The following RPAP2 variants were observed in gnomAD, a reference collection of about 807,000 sequenced individuals.
RPAP2 encodes putative RNA polymerase II subunit B1 CTD phosphatase RPAP2.
A neutral mutation model predicts 73.1 loss-of-function variants in RPAP2; 52 were observed. That is an observed-to-expected ratio of 0.71 (90% CI 0.57 to 0.90). The LOEUF (loss-of-function observed/expected upper bound fraction) is 0.90. Among genes scored for constraint, RPAP2 ranks in the 40% least tolerant of loss-of-function variants. The pLI is 0.00. For missense variants in RPAP2, 598 were observed against 701.8 expected, an observed-to-expected ratio of 0.85 and a Z score of 1.67; for synonymous variants, 225 against 242.1, an observed-to-expected ratio of 0.93 and a Z score of 0.65.
At chr1:92,362,544 T>G (rs889032100) in intron 11 of RPAP2, among the ~76,000 whole-genome samples, 1 of 152,158 alleles carries the variant, frequency 6.6e-6, no homozygotes, top group Non-Finnish European at 1.5e-5. Context: ...TCAAGTATAA[T>G]CTGCCTTAAA....
At chr1:92,334,038 A>AGAACTT (rs1479254090) in intron 9 of RPAP2, among the ~76,000 whole-genome samples, 1 of 152,228 alleles carries the variant, frequency 6.6e-6, no homozygotes, top group Non-Finnish European at 1.5e-5. Context: ...TCTTTCAAAA[A>AGAACTT]GAACTTGAAG....
At chr1:92,302,590 ATTTTTTTTTTTTT>A (rs36067595) in intron 3 of RPAP2, among the ~76,000 whole-genome samples, 3 of 74,316 alleles carry the variant, frequency 4.0e-5, no homozygotes, top group African/African-American at 5.7e-5. Context: ...TCCGCATTAA[ATTTTTTTTTTTTT>A]TTTTTTTTTT....
At chr1:92,308,061 C>T (rs901192885) in intron 6 of RPAP2, among the ~76,000 whole-genome samples, 1 of 151,648 alleles carries the variant, frequency 6.6e-6, no homozygotes, top group Non-Finnish European at 1.5e-5. Context: ...TGCAGGTTAG[C>T]TAAAAAGCTC....
At chr1:92,322,324 C>T (rs1652325369) in intron 7 of RPAP2, among the ~76,000 whole-genome samples, 2 of 151,874 alleles carry the variant, frequency 1.3e-5, no homozygotes, top group South Asian at 4.2e-4. Flanking sequence ...ACAGGTGGAT[C>T]ACTTGAGGTC....
rs140384686 is a variant in RPAP2 at position 92,353,106 on chromosome 1, G to A, written c.1688+7192G>A. On this transcript the variant is annotated intron_variant, in intron 11 of 12. Coordinates refer to ENST00000610020, the MANE Select transcript of RPAP2 (RefSeq NM_024813.3). ...TATTCATCAGTTGACAAACATTTGG[G>A]TTATTTCCATTTTTTGCTATTTAAT... Among the ~76,000 whole-genome samples, 385 of 152,202 alleles carry A rather than the reference G, an allele frequency of 2.5e-3. 3 individuals carry two copies. The highest frequency in any genetic ancestry group is 9.3e-3 in the South Asian group (45 of 4,822).
intron 10 of RPAP2, among the ~76,000 whole-genome samples, chr1:92,340,715 A>G (rs903421614): frequency 2.0e-5 from 3 of 152,174 alleles, no homozygotes; most frequent in African/African-American, 7.2e-5. Context: ...AACATAAAGC[A>G]GCTTTTTCGG....
intron 11 of RPAP2, chr1:92,363,849 A>C: frequency 5.0e-6 from 1 of 199,954 alleles, no homozygotes; most frequent in Non-Finnish European, 1.1e-5. Flanking sequence ...GATCTAATAC[A>C]TATCCTTACA....
At chr1:92,300,840 G>A (rs545681779) in intron 2 of RPAP2, among the ~76,000 whole-genome samples, 1 of 152,342 alleles carries the variant, frequency 6.6e-6, no homozygotes, top group South Asian at 2.1e-4. Flanking sequence ...GTTAGGCTCT[G>A]AAGATATGGT....
At position 92,387,224 on chromosome 1, in the gene RPAP2, A is replaced by G. The variant is rs1655900480; in HGVS notation, c.*213A>G. On this transcript the variant is annotated 3_prime_UTR_variant, in exon 13 of 13. Coordinates refer to ENST00000610020, the MANE Select transcript of RPAP2 (RefSeq NM_024813.3). Reference sequence around the variant, plus strand: ...GAGGAGAATCATTACTCCAACAAGAATAACCAAGTCTTTGTATCCCTAGTA... The same window carrying G: ...GAGGAGAATCATTACTCCAACAAGAGTAACCAAGTCTTTGTATCCCTAGTA... The G allele has an allele frequency of 2.5e-6, 1 of 396,936 alleles. No individual in the cohort carries two copies. Among genetic ancestry groups the G allele is most frequent in the Non-Finnish European group, 4.5e-6 (1 of 220,874 alleles). The allele number at this position is 396,936 out of a possible 1,614,324, so 24.6% of individuals were successfully genotyped here. A position where few individuals can be genotyped will look rare whatever the true frequency, so the allele number is the denominator to read the frequency against.
intron 11 of RPAP2, among the ~76,000 whole-genome samples, chr1:92,375,358 A>C (rs1321927812): frequency 1.3e-5 from 2 of 152,192 alleles, no homozygotes; most frequent in African/African-American, 2.4e-5. Context: ...CTTTGTACAC[A>C]GGGGTTCTGT....
intron 11 of RPAP2, among the ~76,000 whole-genome samples, chr1:92,366,316 C>A (rs1020502643): frequency 6.6e-6 from 1 of 152,104 alleles, no homozygotes; most frequent in Non-Finnish European, 1.5e-5. Flanking sequence ...AAAAAAGTGT[C>A]TGAATTTTAA....
At chr1:92,367,155 G>A (rs1257845143) in intron 11 of RPAP2, among the ~76,000 whole-genome samples, 1 of 152,172 alleles carries the variant, frequency 6.6e-6, no homozygotes, top group Non-Finnish European at 1.5e-5. Context: ...CAAAGCTTCA[G>A]GTACTTCAGC....
chr1:92,336,211 C>A, intron 9 of RPAP2, 136 bp from the exon 10 acceptor site: 1 of 640,446 alleles, frequency 1.6e-6, no homozygotes, highest in Non-Finnish European at 2.8e-6. Flanking sequence ...CAATCATAAC[C>A]TAGGTTAACC....
rs375393134 is a variant in RPAP2 at position 92,382,791 on chromosome 1, T to G, written c.1838+1918T>G. ...AGTTTAATTAGATCCCATTTGTCAATTTTGGCTTTTGTTGCCATTGCTTTT... is the reference window on the plus strand; with the variant it reads ...AGTTTAATTAGATCCCATTTGTCAAGTTTGGCTTTTGTTGCCATTGCTTTT... On this transcript the variant is annotated intron_variant, in intron 12 of 12. Coordinates refer to ENST00000610020, the MANE Select transcript of RPAP2 (RefSeq NM_024813.3). Among the ~76,000 whole-genome samples, 79 of 152,276 alleles carry G rather than the reference T, an allele frequency of 5.2e-4. 3 individuals are homozygous for G. In the East Asian group the frequency reaches 0.012, roughly 23 times the overall value.
chr1:92,303,585 ATATTT>A (rs1651013034), intron 3 of RPAP2, among the ~76,000 whole-genome samples: 1 of 152,168 alleles, frequency 6.6e-6, no homozygotes, highest in Non-Finnish European at 1.5e-5. Context: ...AGGTAAAATT[ATATTT>A]TATTATTTTG....
At position 92,380,864 on chromosome 1, in the gene RPAP2, T is replaced by C; in HGVS notation, c.1829T>C (p.Leu610Ser). The C allele has an allele frequency of 6.4e-7, 1 of 1,573,482 alleles. No individual in the cohort carries two copies. The highest frequency in any genetic ancestry group is 8.6e-7 in the Non-Finnish European group (1 of 1,166,126). ...SLTIIFRTSCLPE is the reference protein window; with the variant it reads ...SLTIIFRTSCSPE Reference sequence around the variant, plus strand: ...ACCATCATATTTAGAACCAGCTGTTTACCAGAGTGGTAAGTTGGATTGTGT... The same window carrying C: ...ACCATCATATTTAGAACCAGCTGTTCACCAGAGTGGTAAGTTGGATTGTGT... Residue 610 changes from leucine to serine, a missense_variant, in exon 12 of 13, where the codon TTA (leucine) becomes TCA (serine). Coordinates refer to ENST00000610020, the MANE Select transcript of RPAP2 (RefSeq NM_024813.3).
chr1:92,319,846 A>G (rs1175435380), intron 6 of RPAP2, among the ~76,000 whole-genome samples: 7 of 152,094 alleles, frequency 4.6e-5, no homozygotes, highest in Non-Finnish European at 1.0e-4. Context: ...TAAAAATACA[A>G]AACTAGTTGG....
At chr1:92,341,906 G>T (rs113745286) in intron 10 of RPAP2, among the ~76,000 whole-genome samples, 1 of 152,200 alleles carries the variant, frequency 6.6e-6, no homozygotes, top group Non-Finnish European at 1.5e-5. Flanking sequence ...GCCTCCCAAC[G>T]TGCTAGGATT....
intron 7 of RPAP2, among the ~76,000 whole-genome samples, chr1:92,321,242 A>C (rs1194911676): frequency 1.3e-5 from 2 of 152,206 alleles, no homozygotes; most frequent in African/African-American, 4.8e-5. Context: ...AGAGTAGTAT[A>C]AAAACATAAT....
Sources: gnomAD v4.1 joint callset for allele counts (sites outside exome capture counted in the v4.1 genomes callset) on GRCh38, gnomAD v4.1.1 for gene constraint, MANE v1.5 for transcripts, NCBI Gene and HGNC (gene_info 2026-07-23, HGNC 2026-07-21) for gene names.